The following MRTFB variants were observed in gnomAD, a reference collection of about 807,000 sequenced individuals.
The protein encoded by MRTFB is myocardin-related transcription factor B.
MRTFB carries 29 observed loss-of-function variants against 104.2 expected under a neutral mutation model. That is an observed-to-expected ratio of 0.28 (90% CI 0.21 to 0.38). MRTFB has a LOEUF of 0.38. Among genes scored for constraint, MRTFB ranks in the 10% least tolerant of loss-of-function variants. The pLI is 1.00. For synonymous variants in MRTFB, 535 were observed against 519.5 expected (o/e 1.03, Z -0.41); for missense variants, 1,270 against 1,341.6 (o/e 0.95, Z 0.83).
At position 14,259,200 on chromosome 16, in the gene MRTFB, C is replaced by T. The variant is rs540362499; in HGVS notation, c.2764+1039C>T. On this transcript the variant is annotated intron_variant, in intron 16 of 16. Transcript: ENST00000571589. ...CTATAATCCCAGCACTTTGGGAGCC[C>T]GAGGCAGGTGGATCACTTGAGGTCA... 3.1e-4 allele frequency among the ~76,000 whole-genome samples: 47 copies of T among 152,244 alleles called. No homozygotes were observed. The South Asian group carries it at 6.8e-3, about 22-fold the overall frequency.
chr16:14,220,912 T>A (rs2041667382), intron 8 of MRTFB, among the ~76,000 whole-genome samples: 1 of 152,238 alleles, frequency 6.6e-6, no homozygotes, highest in Non-Finnish European at 1.5e-5. Context: ...ATTTCTGTCC[T>A]ATGTGCCTTG....
At chr16:14,008,798 C>T in the MRTFB span, among the ~76,000 whole-genome samples, 1 of 151,990 alleles carries the variant, frequency 6.6e-6, no homozygotes, top group Non-Finnish European at 1.5e-5. Flanking sequence ...TAAACTTTTC[C>T]ATCTATAAAC....
intron 2 of MRTFB, among the ~76,000 whole-genome samples, chr16:14,083,293 A>G (rs1158858568): frequency 1.3e-5 from 2 of 152,136 alleles, no homozygotes; most frequent in African/African-American, 4.8e-5. Flanking sequence ...AGGTCATGCC[A>G]TCTGCAAACA....
intron 2 of MRTFB, among the ~76,000 whole-genome samples, chr16:14,136,783 T>C (rs1035760862): frequency 6.6e-5 from 10 of 152,058 alleles, no homozygotes; most frequent in African/African-American, 1.9e-4. Context: ...TTTTTTCCCC[T>C]ACCTCTGGCA....
At chr16:14,204,407 A>G (rs997997873) in intron 3 of MRTFB, among the ~76,000 whole-genome samples, 11 of 152,226 alleles carry the variant, frequency 7.2e-5, no homozygotes, top group Non-Finnish European at 1.3e-4. Context: ...ACAAATTCTA[A>G]AAGAGCTGTA....
At chr16:14,057,072 G>A in the MRTFB span, among the ~76,000 whole-genome samples, 8 of 152,320 alleles carry the variant, frequency 5.3e-5, no homozygotes, top group East Asian at 1.5e-3. Flanking sequence ...CTACAGGAAA[G>A]AGAGCTGAGC....
At chr16:14,242,706 TC>T (rs1268673808) in intron 10 of MRTFB, among the ~76,000 whole-genome samples, 1 of 152,170 alleles carries the variant, frequency 6.6e-6, no homozygotes, top group East Asian at 1.9e-4. Flanking sequence ...TGAACGCAGG[TC>T]TCTCATCTGC....
At chr16:14,211,911 T>G (rs1297955338) in intron 4 of MRTFB, among the ~76,000 whole-genome samples, 1 of 152,176 alleles carries the variant, frequency 6.6e-6, no homozygotes, top group Non-Finnish European at 1.5e-5. Flanking sequence ...CAGAGCCCAT[T>G]ACGGGTTCTA....
intron 3 of MRTFB, among the ~76,000 whole-genome samples, chr16:14,198,266 T>A (rs2040527071): frequency 6.6e-6 from 1 of 152,264 alleles, no homozygotes; most frequent in African/African-American, 2.4e-5. Context: ...TCTTGGCTAT[T>A]GTGAATAGAG....
chr16:14,072,446 A>G (rs1171540994), intron 1 of MRTFB, among the ~76,000 whole-genome samples: 2 of 152,164 alleles, frequency 1.3e-5, no homozygotes, highest in South Asian at 2.1e-4. Context: ...GTACATTTGT[A>G]TTGGTTAAAA....
chr16:14,011,917 G>C, the MRTFB span, among the ~76,000 whole-genome samples: 1 of 152,178 alleles, frequency 6.6e-6, no homozygotes, highest in Non-Finnish European at 1.5e-5. Context: ...ACAGGCATTC[G>C]TTATTGTTAC....
intron 3 of MRTFB, among the ~76,000 whole-genome samples, chr16:14,160,074 A>G (rs947688248): frequency 3.3e-5 from 5 of 152,194 alleles, no homozygotes; most frequent in Admixed American, 6.5e-5. Context: ...ACATTGGCAT[A>G]GTAATATTAT....
chr16:14,145,976 G>A (rs916252590), intron 3 of MRTFB, among the ~76,000 whole-genome samples: 1 of 152,250 alleles, frequency 6.6e-6, no homozygotes, highest in African/African-American at 2.4e-5. Context: ...TCCTTCCTGA[G>A]GTCGTGTGCA....
chr16:14,062,134 C>G, the MRTFB span, among the ~76,000 whole-genome samples: 4 of 152,006 alleles, frequency 2.6e-5, no homozygotes, highest in African/African-American at 9.7e-5. Flanking sequence ...GCTCTGTCAC[C>G]CAGGCTGGAG....
intron 2 of MRTFB, among the ~76,000 whole-genome samples, chr16:14,104,968 C>T (rs1019011733): frequency 6.6e-6 from 1 of 152,072 alleles, no homozygotes; most frequent in African/African-American, 2.4e-5. Context: ...TTAGGGCTGT[C>T]AGGATGCCAT....
At chr16:13,998,787 T>A in the MRTFB span, among the ~76,000 whole-genome samples, 2 of 143,674 alleles carry the variant, frequency 1.4e-5, no homozygotes, top group African/African-American at 5.2e-5. Context: ...TTGGCCTGTT[T>A]CTTAAGCCTG....
chr16:14,029,732 C>T, the MRTFB span, among the ~76,000 whole-genome samples: 6 of 152,026 alleles, frequency 3.9e-5, no homozygotes, highest in Non-Finnish European at 7.4e-5. Flanking sequence ...CTCCACCCCC[C>T]GTGTCTGTCT....
At chr16:14,259,928 T>C (rs770425529) in intron 16 of MRTFB, among the ~76,000 whole-genome samples, 1 of 152,246 alleles carries the variant, frequency 6.6e-6, no homozygotes, top group African/African-American at 2.4e-5. Context: ...AAGTTCCTTC[T>C]CTCAGCCATT....
intron 2 of MRTFB, among the ~76,000 whole-genome samples, chr16:14,105,770 GA>G (rs1405123164): frequency 1.3e-5 from 2 of 151,984 alleles, no homozygotes; most frequent in Non-Finnish European, 2.9e-5. Context: ...TAGTACTTAT[GA>G]AAAAATAAGC....
Sources: gnomAD v4.1 joint callset for allele counts (sites outside exome capture counted in the v4.1 genomes callset) on GRCh38, gnomAD v4.1.1 for gene constraint, MANE v1.5 for transcripts, NCBI Gene and HGNC (gene_info 2026-07-23, HGNC 2026-07-21) for gene names.